MEAK7: variants seen among roughly 807,000 people sequenced by gnomAD.
MEAK7 encodes the protein MTOR-associated protein MEAK7.
MEAK7 carries 68 observed loss-of-function variants against 40.5 expected under a neutral mutation model. That is an observed-to-expected ratio of 1.68 (90% CI 1.38 to 2.06). The LOEUF is 2.06. Among genes scored for constraint, MEAK7 ranks in the 30% most tolerant of loss-of-function variants. The probability of loss-of-function intolerance (pLI) is 0.00; values close to 1 mark genes in which losing one functional copy is unlikely to be tolerated. For missense variants in MEAK7, 918 were observed against 580.5 expected (o/e 1.58, Z -5.98); for synonymous variants, 338 against 231.9 (o/e 1.46, Z -4.16).
In MEAK7 at chr16:84,479,862, C is replaced by T; in HGVS notation, c.*51G>A. 4.8e-6 allele frequency: 7 copies of T among 1,468,248 alleles called. No homozygotes were observed. The highest frequency in any genetic ancestry group is 2.3e-5 in the East Asian group (1 of 42,604). 91.0% of individuals were successfully genotyped at this position (1,468,248 alleles called of 1,614,324 possible). The stretch of plus-strand genomic sequence containing the variant: ...GGGAAGAGGGGCTGCAGGCGTTGCC[C>T]TCTACCCAGAGGAATCCAGGTCCTG... On this transcript the variant is annotated 3_prime_UTR_variant, in exon 8 of 8. Coordinates refer to ENST00000343629, the MANE Select transcript of MEAK7 (RefSeq NM_020947.4).
At chr16:84,482,567 A>C (rs747231455) in intron 6 of MEAK7, 25 bp downstream of exon 6, 1 of 1,613,906 alleles carries the variant, frequency 6.2e-7, no homozygotes, top group African/African-American at 1.3e-5. Context: ...CCAAGGCAAG[A>C]CCACCACGCT....
chr16:84,496,034 A>T lies in MEAK7; in HGVS notation c.154-121T>A, dbSNP rs1023000981. 2.0e-5 allele frequency: 21 copies of T among 1,035,782 alleles called. No homozygotes were observed. The South Asian group carries it at 3.2e-4, about 16-fold the overall frequency. 64.2% of individuals were successfully genotyped at this position (1,035,782 alleles called of 1,614,324 possible). Reference sequence around the variant, plus strand: ...GTCCTTGGGAAGTTTTCGTTTTTTAAAGCATCTCTGAAAAAGTTTCTTGTA... The same window carrying T: ...GTCCTTGGGAAGTTTTCGTTTTTTATAGCATCTCTGAAAAAGTTTCTTGTA... On this transcript the variant is annotated intron_variant, in intron 2 of 7. Coordinates refer to ENST00000343629, the MANE Select transcript of MEAK7 (RefSeq NM_020947.4).
At chr16:84,490,451 T>C in intron 3 of MEAK7, among the ~76,000 whole-genome samples, 1 of 33,500 alleles carries the variant, frequency 3.0e-5, no homozygotes, top group Non-Finnish European at 9.1e-5. Flanking sequence ...GCCTTTTTTT[T>C]TTTTTTTTTT....
chr16:84,485,801 C>T (rs1301189978), intron 5 of MEAK7, among the ~76,000 whole-genome samples: 4 of 152,190 alleles, frequency 2.6e-5, no homozygotes. Context: ...CATGCCTCAG[C>T]CTCCCACGTA....
chr16:84,481,109 C>A (rs939782832), intron 6 of MEAK7, among the ~76,000 whole-genome samples: 12 of 152,324 alleles, frequency 7.9e-5, no homozygotes, highest in African/African-American at 2.9e-4. Context: ...TGTGTTGGGG[C>A]CCCAGTGCCC....
At position 84,482,601 on chromosome 16, in the gene MEAK7, C is replaced by A. The variant is rs114062156; in HGVS notation, c.1068G>T (p.Pro356=). 5 of 1,614,164 alleles carry A rather than the reference C, an allele frequency of 3.1e-6. No individual in the cohort carries two copies. The highest frequency in any genetic ancestry group is 2.7e-5 in the African/African-American group (2 of 75,052). ...MYLNHGQQTI[P]NGLGMGGQHN... Reference sequence around the variant, plus strand: ...CTCTGCCCGGGCTCACCAGTCCGTTCGGGATCGTCTGCTGTCCATGGTTCA... The same window carrying A: ...CTCTGCCCGGGCTCACCAGTCCGTTAGGGATCGTCTGCTGTCCATGGTTCA... Residue 356 remains proline (P), a synonymous_variant, in exon 6 of 8, where the codon CCG becomes CCT. Transcript: ENST00000343629.
chr16:84,502,245 G>C (rs1283923518), intron 1 of MEAK7, among the ~76,000 whole-genome samples: 2 of 152,138 alleles, frequency 1.3e-5, no homozygotes, highest in Non-Finnish European at 2.9e-5. Context: ...GTCCCCCAGG[G>C]GCATTTGGCA....
At chr16:84,500,235 T>G (rs1226856902) in intron 1 of MEAK7, among the ~76,000 whole-genome samples, 2 of 152,168 alleles carry the variant, frequency 1.3e-5, no homozygotes, top group East Asian at 3.8e-4. Flanking sequence ...CTGGGGCTGT[T>G]TCCACCTTCC....
chr16:84,497,172 C>T (rs569629455), intron 2 of MEAK7: 11 of 308,984 alleles, frequency 3.6e-5, no homozygotes, highest in South Asian at 3.1e-4. Context: ...TCCCATGCTG[C>T]ACATTCTAGA....
intron 3 of MEAK7, among the ~76,000 whole-genome samples, chr16:84,493,321 C>T (rs1432083360): frequency 6.6e-6 from 1 of 152,166 alleles, no homozygotes; most frequent in Non-Finnish European, 1.5e-5. Flanking sequence ...AGCTATAGAA[C>T]TCTGAAGAGT....
In MEAK7 at chr16:84,489,352, C is replaced by A. The variant is rs1379987282; in HGVS notation, c.455G>T (p.Gly152Val). 5 of 1,614,226 alleles carry A rather than the reference C, an allele frequency of 3.1e-6. No individual in the cohort carries two copies. Among genetic ancestry groups the A allele is most frequent in the Non-Finnish European group, 4.2e-6 (5 of 1,180,050 alleles). Residue 152 changes from glycine (G) to valine (V), a missense_variant, in exon 4 of 8, where the codon GGG becomes GTG. Coordinates refer to ENST00000343629, the MANE Select transcript of MEAK7 (RefSeq NM_020947.4). Reference protein sequence around the residue: ...SHRQELRGWTGKEAPGPNPRV... With the variant: ...SHRQELRGWTVKEAPGPNPRV... ...GGGGTTGGGCCCTGGGGCTTCCTTC[C>A]CAGTCCAGCCTCTCAGCTCCTGTCT... is the stretch of plus-strand genomic sequence containing the variant.
chr16:84,495,656 C>T (rs377453825), intron 3 of MEAK7, 27 bp downstream of exon 3: 8 of 1,610,910 alleles, frequency 5.0e-6, no homozygotes, highest in Non-Finnish European at 5.9e-6. Flanking sequence ...GCTGAGGAGG[C>T]TGCAAAGGAC....
rs754360892 is a variant in MEAK7 at position 84,487,001 on chromosome 16, G to C, written c.588C>G (p.Ile196Met). 7 of 1,614,038 alleles carry C rather than the reference G, an allele frequency of 4.3e-6. No homozygotes were observed. Among genetic ancestry groups the C allele is most frequent in the South Asian group, 1.1e-5 (1 of 91,070 alleles). ...WLDYDCDRAV[I>M]EDWVFRVPHV... ...GGGGGACCCTGAACACCCAGTCCTC[G>C]ATCACAGCTCGGTCACAGTCATAGT... Residue 196 changes from isoleucine (I) to methionine (M), a missense_variant, in exon 5 of 8, where the codon ATC becomes ATG. Physicochemically the swap from Ile to Met is conservative, Grantham distance 10. Transcript: ENST00000343629.
intron 2 of MEAK7, 34 bp from the exon 3 acceptor site, chr16:84,495,947 A>G: frequency 1.9e-6 from 3 of 1,606,500 alleles, no homozygotes; most frequent in Non-Finnish European, 2.6e-6. Flanking sequence ...ATGGTTAGAC[A>G]GTGCACAAGT....
chr16:84,485,639 T>TATCTATCTATCCATCC (rs71151220), intron 5 of MEAK7, among the ~76,000 whole-genome samples: 1 of 149,384 alleles, frequency 6.7e-6, no homozygotes, highest in African/African-American at 2.4e-5. Context: ...ACTATCTATC[T>TATCTATCTATCCATCC]ATCCATCCAT....
intron 3 of MEAK7, among the ~76,000 whole-genome samples, chr16:84,491,356 G>C (rs761297561): frequency 1.3e-5 from 2 of 152,048 alleles, no homozygotes; most frequent in Non-Finnish European, 2.9e-5. Flanking sequence ...TGGCCAACAT[G>C]ATGAGACCCC....
Position 84,486,915 on chromosome 16 carries a change from A to G in MEAK7, c.674T>C (p.Leu225Pro). 1 of 1,614,210 alleles carries G rather than the reference A, an allele frequency of 6.2e-7. No individual in the cohort carries two copies. The highest frequency in any genetic ancestry group is 1.1e-5 in the South Asian group (1 of 91,078). The change falls in exon 5 of 8, where the codon CTT becomes CCT. Residue 225 changes from leucine to proline, a missense_variant. Transcript: ENST00000343629. ...CKGFLILCSS[L>P]DLTTLVPERQ... ...CTCAGGGACCAGGGTAGTCAGATCA[A>G]GAGACGAGCACAGGATGAGAAAGCC...
intron 5 of MEAK7, among the ~76,000 whole-genome samples, chr16:84,483,229 C>T (rs1419678808): frequency 3.3e-5 from 5 of 152,346 alleles, no homozygotes; most frequent in South Asian, 4.1e-4. Flanking sequence ...AGTTTACCCT[C>T]GCCCAAAGGC....
chr16:84,481,779 A>C (rs1365167388), intron 6 of MEAK7, among the ~76,000 whole-genome samples: 1 of 152,010 alleles, frequency 6.6e-6, no homozygotes, highest in Admixed American at 6.6e-5. Context: ...TAAAAATACA[A>C]AAAAATTAGC....
Sources: gnomAD v4.1 joint callset for allele counts (sites outside exome capture counted in the v4.1 genomes callset) on GRCh38, gnomAD v4.1.1 for gene constraint, MANE v1.5 for transcripts, NCBI Gene and HGNC (gene_info 2026-07-23, HGNC 2026-07-21) for gene names.